Variants in GALNT13 observed in about 807,000 individuals in gnomAD.
GALNT13 encodes UDP-GalNAc:polypeptide N-acetylgalactosaminyltransferase 13.
In GALNT13, 28 loss-of-function variants were observed where a neutral mutation model predicts 64.2. The ratio of observed to expected loss-of-function variants is 0.44; its 90% CI spans 0.32 to 0.60. The LOEUF is 0.60. GALNT13 is among the 20% of genes least tolerant of loss of function. GALNT13 has a pLI of 0.05. For synonymous variants in GALNT13, 214 were observed against 224.6 expected (o/e 0.95, Z 0.42); for missense variants, 577 against 669.8 (o/e 0.86, Z 1.53).
At chr2:153,668,666 G>C in the GALNT13 span, among the ~76,000 whole-genome samples, 4 of 152,046 alleles carry the variant, frequency 2.6e-5, no homozygotes, top group African/African-American at 4.8e-5. Context: ...TGTGTTCCTG[G>C]CCCCCACCTA....
At chr2:154,327,575 T>C (rs926680525) in intron 9 of GALNT13, among the ~76,000 whole-genome samples, 2 of 152,102 alleles carry the variant, frequency 1.3e-5, no homozygotes, top group Non-Finnish European at 2.9e-5. Flanking sequence ...GCACTTTTAT[T>C]TGGATGGAGT....
chr2:153,184,718 G>C, the GALNT13 span, among the ~76,000 whole-genome samples: 1 of 152,154 alleles, frequency 6.6e-6, no homozygotes, highest in African/African-American at 2.4e-5. Context: ...CGCATCTATT[G>C]AGATAATCAT....
intron 11 of GALNT13, among the ~76,000 whole-genome samples, chr2:154,425,057 A>T (rs1410060160): frequency 6.6e-6 from 1 of 152,176 alleles, no homozygotes; most frequent in Non-Finnish European, 1.5e-5. Flanking sequence ...CCCTTTACAG[A>T]TAGAGAGTTG....
chr2:154,232,473 C>G (rs1036607894), intron 4 of GALNT13, among the ~76,000 whole-genome samples: 1 of 152,086 alleles, frequency 6.6e-6, no homozygotes, highest in African/African-American at 2.4e-5. Flanking sequence ...CTGTAGACTT[C>G]TTTATATCTA....
intron 3 of GALNT13, among the ~76,000 whole-genome samples, chr2:154,119,483 G>A (rs920025591): frequency 2.0e-5 from 3 of 152,176 alleles, no homozygotes; most frequent in Admixed American, 6.5e-5. Context: ...GATTAGGGAA[G>A]TCTTCAACCA....
the GALNT13 span, among the ~76,000 whole-genome samples, chr2:153,086,760 G>T: frequency 2.0e-5 from 3 of 147,780 alleles, no homozygotes; most frequent in Non-Finnish European, 4.5e-5. Flanking sequence ...GCTGTTGTTG[G>T]GTTCTTGATT....
At chr2:154,216,014 TTAAA>T (rs1266785547) in intron 4 of GALNT13, among the ~76,000 whole-genome samples, 3 of 151,032 alleles carry the variant, frequency 2.0e-5, no homozygotes, top group Non-Finnish European at 4.4e-5. Context: ...ATAAAACAAA[TTAAA>T]TAATAATTAT....
chr2:153,360,066 C>T, the GALNT13 span, among the ~76,000 whole-genome samples: 299 of 152,230 alleles, frequency 2.0e-3, 2 homozygotes, highest in African/African-American at 6.7e-3. Flanking sequence ...AAACAGTGGG[C>T]GAATCCTGCA....
At chr2:153,875,674 T>C (rs1004147294) in intron 1 of GALNT13, among the ~76,000 whole-genome samples, 1 of 152,186 alleles carries the variant, frequency 6.6e-6, no homozygotes, top group Non-Finnish European at 1.5e-5. Context: ...TCTTTATGAA[T>C]GGGCAGATGA....
the GALNT13 span, among the ~76,000 whole-genome samples, chr2:153,444,284 G>A: frequency 6.6e-5 from 10 of 152,196 alleles, no homozygotes; most frequent in African/African-American, 9.6e-5. Context: ...GATCATAAAC[G>A]CCATGGAGTT....
chr2:153,883,942 A>G (rs17618785), intron 1 of GALNT13, among the ~76,000 whole-genome samples: 24,798 of 151,894 alleles, frequency 0.16, 2,460 homozygotes, highest in East Asian at 0.27. Flanking sequence ...GTGGTGATAG[A>G]ACAAAATGCA....
chr2:154,399,408 G>A (rs1699198789), intron 10 of GALNT13, among the ~76,000 whole-genome samples: 1 of 152,158 alleles, frequency 6.6e-6, no homozygotes, highest in African/African-American at 2.4e-5. Flanking sequence ...AACCGATTTA[G>A]TGTCTGATAA....
chr2:153,248,974 C>T, the GALNT13 span, among the ~76,000 whole-genome samples: 9 of 152,144 alleles, frequency 5.9e-5, no homozygotes, highest in Admixed American at 1.3e-4. Flanking sequence ...TGGCACAAGA[C>T]AAGAATGCTC....
chr2:153,617,257 A>T, the GALNT13 span, among the ~76,000 whole-genome samples: 1 of 151,774 alleles, frequency 6.6e-6, no homozygotes, highest in African/African-American at 2.4e-5. Context: ...CAGTTTTTTG[A>T]GGGTTTTTAT....
the GALNT13 span, among the ~76,000 whole-genome samples, chr2:153,599,315 T>C: frequency 8.7e-4 from 132 of 152,170 alleles, no homozygotes; most frequent in East Asian, 7.7e-4. Context: ...CCTACTGATC[T>C]AATGAAAACA....
the GALNT13 span, among the ~76,000 whole-genome samples, chr2:153,530,672 C>CA: frequency 0.01 from 1,552 of 149,868 alleles, 19 homozygotes; most frequent in African/African-American, 0.036. Context: ...CAAAACAGAA[C>CA]AAAAAAAAAT....
chr2:153,756,461 T>G, the GALNT13 span, among the ~76,000 whole-genome samples: 1 of 152,100 alleles, frequency 6.6e-6, no homozygotes, highest in South Asian at 2.1e-4. Context: ...TTCAGTTTAC[T>G]TTTGTATCCT....
At chr2:153,587,984 T>C in the GALNT13 span, among the ~76,000 whole-genome samples, 3 of 152,316 alleles carry the variant, frequency 2.0e-5, no homozygotes, top group Admixed American at 6.5e-5. Flanking sequence ...ACAGGCCCCA[T>C]GCAAGTCTGA....
chr2:153,791,371 G>A, the GALNT13 span, among the ~76,000 whole-genome samples: 1 of 152,064 alleles, frequency 6.6e-6, no homozygotes, highest in Admixed American at 6.6e-5. Flanking sequence ...TGGTGCAAAA[G>A]TAACTGGTTT....
Sources: allele counts gnomAD v4.1 joint callset (sites outside exome capture counted in the v4.1 genomes callset), GRCh38; gene constraint gnomAD v4.1.1; transcripts MANE v1.5; gene names NCBI Gene and HGNC (gene_info 2026-07-23, HGNC 2026-07-21).